WDR33: variants seen among roughly 807,000 people sequenced by gnomAD.
WDR33 encodes the protein pre-mRNA 3' end processing protein WDR33.
A neutral mutation model predicts 164.9 loss-of-function variants in WDR33; 47 were observed. That is an observed-to-expected ratio of 0.29 (90% CI 0.23 to 0.36). The LOEUF (loss-of-function observed/expected upper bound fraction) is 0.36, where lower values mean the gene tolerates loss of function less well. Among genes scored for constraint, WDR33 ranks in the 10% least tolerant of loss-of-function variants. The pLI is 1.00. For missense variants in WDR33, 1,137 were observed against 1,754.1 expected (o/e 0.65, Z 6.28); for synonymous variants, 505 against 589.0 (o/e 0.86, Z 2.06).
intron 7 of WDR33, among the ~76,000 whole-genome samples, chr2:127,746,681 C>T (rs1477485854): frequency 6.6e-6 from 1 of 152,144 alleles, no homozygotes; most frequent in Non-Finnish European, 1.5e-5. Context: ...GTTTAAAGTT[C>T]CCCAGAGGAA....
chr2:127,790,660 G>C (rs1688811500), intron 1 of WDR33, among the ~76,000 whole-genome samples: 1 of 152,072 alleles, frequency 6.6e-6, no homozygotes, highest in South Asian at 2.1e-4. Context: ...CCAGGCTACA[G>C]CGCATGGCCA....
At chr2:127,736,088 C>T in intron 7 of WDR33, 1 of 985,402 alleles carries the variant, frequency 1.0e-6, no homozygotes, top group African/African-American at 1.7e-5. Context: ...AAGTTTCTTT[C>T]CCAGTCTGAG....
At chr2:127,806,049 C>T (rs1176328602) in intron 1 of WDR33, among the ~76,000 whole-genome samples, 1 of 151,676 alleles carries the variant, frequency 6.6e-6, no homozygotes, top group Admixed American at 6.6e-5. Context: ...GAGGTTGAGG[C>T]TGCAGTGAGC....
At chr2:127,797,248 C>T (rs2104670045) in intron 1 of WDR33, among the ~76,000 whole-genome samples, 1 of 152,234 alleles carries the variant, frequency 6.6e-6, no homozygotes, top group East Asian at 1.9e-4. Flanking sequence ...AATCCCAGAA[C>T]TTTGGGAGGC....
At position 127,706,533 on chromosome 2, in the gene WDR33, A is replaced by G. The variant is rs1220298409; in HGVS notation, c.3801T>C (p.Pro1267=). Residue 1267 remains proline (P), a synonymous_variant, in exon 22 of 22, where the codon CCT becomes CCC. Coordinates refer to ENST00000322313, the MANE Select transcript of WDR33 (RefSeq NM_018383.5). This position sits in a 1 kb window ranked among gnomAD's most constrained non-coding sequence, Gnocchi z 5.1. The part of the protein sequence containing the change: ...RGGKGRGGPG[P]AQRVPKSGRS... ...GCCCAGATTTGGGCACTCTCTGAGC[A>G]GGTCCTGGGCCCCCTCGGCCTGAAA... is the stretch of plus-strand genomic sequence containing the variant. 2 of 1,609,060 alleles carry G rather than the reference A, an allele frequency of 1.2e-6. No individual in the cohort carries two copies. Among genetic ancestry groups the G allele is most frequent in the Non-Finnish European group, 1.7e-6 (2 of 1,178,276 alleles).
At chr2:127,783,914 C>A (rs1010017694) in intron 1 of WDR33, among the ~76,000 whole-genome samples, 1 of 151,270 alleles carries the variant, frequency 6.6e-6, no homozygotes, top group Non-Finnish European at 1.5e-5. Flanking sequence ...CCAGCACTTC[C>A]TTATTCTTTT....
intron 1 of WDR33, among the ~76,000 whole-genome samples, chr2:127,777,409 G>A (rs760477484): frequency 2.0e-5 from 3 of 152,170 alleles, no homozygotes; most frequent in Non-Finnish European, 2.9e-5. Flanking sequence ...AGTTTGCATC[G>A]CATCCTTAGC....
In WDR33 at chr2:127,764,369, C is replaced by A. The variant is rs530825609; in HGVS notation, c.626+459G>T. 2.1e-6 allele frequency: 3 copies of A among 1,425,658 alleles called. No individual in the cohort carries two copies. The African/African-American group carries it at 4.3e-5, about 21-fold the overall frequency. 88.3% of individuals were successfully genotyped at this position (1,425,658 alleles called of 1,614,324 possible). A position where few individuals can be genotyped will look rare whatever the true frequency, so the allele number is the denominator to read the frequency against. On this transcript the variant is annotated intron_variant, in intron 6 of 21. Transcript: ENST00000322313. This position sits in a 1 kb window ranked among gnomAD's most constrained non-coding sequence, Gnocchi z 6.2. ...TAGTCCTATACTTTCCTTTGGAAGT[C>A]GTGGCATAACCAAGCCAACCAGGTC...
In WDR33 at chr2:127,719,257, A is replaced by T; in HGVS notation, c.2760+8T>A. 2 of 1,420,236 alleles carry T rather than the reference A, an allele frequency of 1.4e-6. No homozygotes were observed. Among genetic ancestry groups the T allele is most frequent in the Middle Eastern group, 1.9e-4 (1 of 5,282 alleles). The allele number at this position is 1,420,236 out of a possible 1,614,324, so 88.0% of individuals were successfully genotyped here. A position where few individuals can be genotyped will look rare whatever the true frequency, so the allele number is the denominator to read the frequency against. The stretch of plus-strand genomic sequence containing the variant: ...CCAATGTGCCCGTGAGTTGGAAATG[A>T]ATAATACCTGGTTGAAGGGGGCCCG... On this transcript the variant is annotated splice_region_variant and intron_variant, in intron 16 of 21. Transcript: ENST00000322313. This position sits in a 1 kb window ranked among gnomAD's most constrained non-coding sequence, Gnocchi z 6.5.
intron 7 of WDR33, chr2:127,736,849 C>T (rs1051092298): frequency 2.0e-5 from 20 of 985,078 alleles, no homozygotes; most frequent in Admixed American, 6.2e-5. Flanking sequence ...TTTACAATAA[C>T]GTGGGGAAGG....
rs1403052618 is a variant in WDR33 at position 127,712,415 on chromosome 2, A to G, written c.3308+1168T>C. ...GTCTCAAGAAGAAAAAAAAAAAAAA[A>G]GAAATGGGATGAAAGGACACGGAAG... On this transcript the variant is annotated intron_variant, in intron 18 of 21. Coordinates refer to ENST00000322313, the MANE Select transcript of WDR33 (RefSeq NM_018383.5). The surrounding 1 kb of genome is among the most constrained non-coding windows in gnomAD (Gnocchi z 4.0). Among the ~76,000 whole-genome samples the G allele has an allele frequency of 6.6e-6, 1 of 151,758 alleles. No individual in the cohort carries two copies. Among genetic ancestry groups the G allele is most frequent in the East Asian group, 2.0e-4 (1 of 5,096 alleles).
chr2:127,779,569 G>A (rs1041979747), intron 1 of WDR33, among the ~76,000 whole-genome samples: 3 of 152,216 alleles, frequency 2.0e-5, no homozygotes, highest in African/African-American at 7.2e-5. Flanking sequence ...TATGCATACA[G>A]GGTCACAATA....
In WDR33 at chr2:127,770,267, G is replaced by A. The variant is rs1475317964; in HGVS notation, c.204+511C>T. Among the ~76,000 whole-genome samples the A allele has an allele frequency of 6.6e-6, 1 of 152,214 alleles. No homozygotes were observed. Among genetic ancestry groups the A allele is most frequent in the Admixed American group, 6.5e-5 (1 of 15,272 alleles). On this transcript the variant is annotated intron_variant, in intron 2 of 21. Coordinates refer to ENST00000322313, the MANE Select transcript of WDR33 (RefSeq NM_018383.5). The surrounding 1 kb of genome is among the most constrained non-coding windows in gnomAD (Gnocchi z 4.9). Reference sequence around the variant, plus strand: ...TTTTTTAGAAGATGATACAGGCACAGAATTTTATAAAGTATTAGTGGTTTG... The same window carrying A: ...TTTTTTAGAAGATGATACAGGCACAAAATTTTATAAAGTATTAGTGGTTTG...
At position 127,768,433 on chromosome 2, in the gene WDR33, G is replaced by A. The variant is rs1687889308; in HGVS notation, c.274-140C>T. The A allele has an allele frequency of 5.9e-6, 3 of 509,158 alleles. No individual in the cohort carries two copies. In the Admixed American group the frequency reaches 1.1e-4, roughly 19 times the overall value. The allele number at this position is 509,158 out of a possible 1,614,324, so 31.5% of individuals were successfully genotyped here. The stretch of plus-strand genomic sequence containing the variant: ...ACTTTCCCATAAAAACTATTATAAA[G>A]TATTACAATTAGTCTATTAATTAAG... On this transcript the variant is annotated intron_variant, in intron 3 of 21. Coordinates refer to ENST00000322313, the MANE Select transcript of WDR33 (RefSeq NM_018383.5).
intron 7 of WDR33, among the ~76,000 whole-genome samples, chr2:127,739,298 G>A (rs1023058527): frequency 3.3e-5 from 5 of 152,176 alleles, no homozygotes; most frequent in Admixed American, 2.6e-4. Flanking sequence ...AGGACCAAGA[G>A]TAAATCATGA....
chr2:127,711,804 G>T (rs571278259), intron 18 of WDR33, among the ~76,000 whole-genome samples: 2 of 87,320 alleles, frequency 2.3e-5, no homozygotes. Context: ...ACAGAGTCTC[G>T]CCCTGTCACC....
At position 127,724,721 on chromosome 2, in the gene WDR33, GA is replaced by G. The variant is rs1394928532; in HGVS notation, c.1085+165del. On this transcript the variant is annotated intron_variant, in intron 10 of 21. Transcript: ENST00000322313. This position sits in a 1 kb window ranked among gnomAD's most constrained non-coding sequence, Gnocchi z 4.8. Reference sequence around the variant, plus strand: ...TTAATGACTTCCATATCCACAAACAGAGGTACATTTTCTATTCCAAGCTGGA... The same window carrying G: ...TTAATGACTTCCATATCCACAAACAGGGTACATTTTCTATTCCAAGCTGGA... Among the ~76,000 whole-genome samples, 1 of 152,108 alleles carries G rather than the reference GA, an allele frequency of 6.6e-6. No individual in the cohort carries two copies.
chr2:127,744,323 T>C (rs1013687797), intron 7 of WDR33, among the ~76,000 whole-genome samples: 5 of 152,196 alleles, frequency 3.3e-5, no homozygotes, highest in African/African-American at 1.2e-4. Context: ...AACTGTGTCT[T>C]GGCAAAAACT....
chr2:127,732,170 A>G (rs1477651443), intron 7 of WDR33, among the ~76,000 whole-genome samples: 2 of 151,048 alleles, frequency 1.3e-5, no homozygotes, highest in African/African-American at 4.9e-5. Flanking sequence ...CGGACACCCC[A>G]ATAAGCCTTT....
Sources: allele counts gnomAD v4.1 joint callset (sites outside exome capture counted in the v4.1 genomes callset), GRCh38; gene constraint gnomAD v4.1.1; non-coding constraint Gnocchi (gnomAD v3.1); transcripts MANE v1.5; gene names NCBI Gene and HGNC (gene_info 2026-07-23, HGNC 2026-07-21).